Variants in CNTNAP4 observed in about 807,000 individuals in gnomAD.
CNTNAP4 encodes contactin associated protein family member 4, also known as contactin-associated protein-like 4.
CNTNAP4 carries 98 observed loss-of-function variants against 148.4 expected under a neutral mutation model. That is an observed-to-expected ratio of 0.66 (90% CI 0.56 to 0.78). CNTNAP4 has a LOEUF of 0.78. CNTNAP4 is among the 30% of genes least tolerant of loss of function. The probability of loss-of-function intolerance (pLI) is 0.00; values close to 1 mark genes in which losing one functional copy is unlikely to be tolerated. For synonymous variants in CNTNAP4, 730 were observed against 565.1 expected, an observed-to-expected ratio of 1.29 and a Z score of -4.14; for missense variants, 1,935 against 1,565.6, an observed-to-expected ratio of 1.24 and a Z score of -3.98.
intron 11 of CNTNAP4, among the ~76,000 whole-genome samples, chr16:76,476,439 G>A (rs149173098): frequency 2.0e-5 from 3 of 152,162 alleles, no homozygotes; most frequent in Non-Finnish European, 4.4e-5. Flanking sequence ...CTCAGAAACA[G>A]CCCTGGTTGG....
chr16:76,477,908 T>G (rs1352330408), intron 11 of CNTNAP4, among the ~76,000 whole-genome samples: 1 of 152,196 alleles, frequency 6.6e-6, no homozygotes, highest in Non-Finnish European at 1.5e-5. Flanking sequence ...AAAGTTACTT[T>G]CATCTGTGAC....
chr16:76,314,659 C>T (rs1271848164), intron 1 of CNTNAP4, among the ~76,000 whole-genome samples: 1 of 152,162 alleles, frequency 6.6e-6, no homozygotes, highest in Non-Finnish European at 1.5e-5. Context: ...TAAACGTTAT[C>T]AATCGGTTCC....
Position 76,522,686 on chromosome 16 carries a change from C to CT in CNTNAP4, c.2755+429_2755+430insT, listed in dbSNP as rs1271795881. Among the ~76,000 whole-genome samples the CT allele has an allele frequency of 1.3e-4, 10 of 79,572 alleles. 1 individual carries two copies. Among genetic ancestry groups the CT allele is most frequent in the Admixed American group, 2.8e-4 (2 of 7,106 alleles). 52.2% of individuals were successfully genotyped at this position (79,572 alleles called of 152,430 possible). On this transcript the variant is annotated intron_variant, in intron 17 of 23. Transcript: ENST00000611870. ...TCTTTCCTTCTTTCTCTCTTTCTCT[C>CT]CTTTCTTTTCTTTTCTTTTCTTTTC...
At chr16:76,344,895 T>A (rs907926957) in intron 2 of CNTNAP4, among the ~76,000 whole-genome samples, 1 of 152,218 alleles carries the variant, frequency 6.6e-6, no homozygotes, top group Non-Finnish European at 1.5e-5. Context: ...TATGATGTCA[T>A]GGCACGGTTA....
intron 4 of CNTNAP4, among the ~76,000 whole-genome samples, chr16:76,433,460 T>C (rs1272725814): frequency 6.6e-6 from 1 of 152,194 alleles, no homozygotes; most frequent in Non-Finnish European, 1.5e-5. Context: ...TAGGAATGTA[T>C]ACTTTATTAT....
At chr16:76,332,916 G>A (rs1436912621) in intron 2 of CNTNAP4, among the ~76,000 whole-genome samples, 1 of 152,046 alleles carries the variant, frequency 6.6e-6, no homozygotes, top group Admixed American at 6.5e-5. Context: ...TTAGTGGTAC[G>A]GGCCAGATAC....
At chr16:76,473,690 C>T (rs1391548201) in intron 10 of CNTNAP4, among the ~76,000 whole-genome samples, 2 of 152,066 alleles carry the variant, frequency 1.3e-5, no homozygotes, top group Admixed American at 1.3e-4. Flanking sequence ...AGGAGAATGG[C>T]ATGAACCTGG....
intron 21 of CNTNAP4, among the ~76,000 whole-genome samples, chr16:76,546,863 C>T (rs2084760438): frequency 6.6e-6 from 1 of 152,122 alleles, no homozygotes; most frequent in Non-Finnish European, 1.5e-5. Flanking sequence ...GATTCTCATG[C>T]CATCATAGTA....
intron 3 of CNTNAP4, among the ~76,000 whole-genome samples, chr16:76,366,509 C>G (rs12924602): frequency 0.43 from 65,962 of 152,006 alleles, 14,711 homozygotes; most frequent in Admixed American, 0.53. Context: ...GCATATGTAT[C>G]ACATTTTCTT....
At chr16:76,441,173 G>A (rs1020004887) in intron 4 of CNTNAP4, among the ~76,000 whole-genome samples, 1 of 151,950 alleles carries the variant, frequency 6.6e-6, no homozygotes, top group Non-Finnish European at 1.5e-5. Context: ...TGCATCTCAG[G>A]GTTGTGTGTC....
intron 3 of CNTNAP4, among the ~76,000 whole-genome samples, chr16:76,390,694 C>T (rs951735154): frequency 1.2e-4 from 19 of 152,116 alleles, no homozygotes; most frequent in African/African-American, 4.3e-4. Context: ...CCAAGGTTGT[C>T]CCTGCCCTTA....
At chr16:76,296,704 G>A (rs1234940957) in intron 1 of CNTNAP4, among the ~76,000 whole-genome samples, 2 of 152,036 alleles carry the variant, frequency 1.3e-5, no homozygotes. Context: ...GGTACAAATG[G>A]TACTACTTTT....
intron 7 of CNTNAP4, among the ~76,000 whole-genome samples, chr16:76,451,532 G>T (rs1568224807): frequency 1.3e-5 from 2 of 151,196 alleles, no homozygotes; most frequent in African/African-American, 2.4e-5. Flanking sequence ...CAGCCAGCAA[G>T]ATTTTAAAAT....
intron 5 of CNTNAP4, 109 bp downstream of exon 5, chr16:76,448,324 A>G: frequency 1.4e-6 from 1 of 732,518 alleles, no homozygotes; most frequent in Non-Finnish European, 2.2e-6. Context: ...TTATTTTCAG[A>G]TTCAAGGGCT....
intron 4 of CNTNAP4, among the ~76,000 whole-genome samples, chr16:76,429,205 C>T (rs990854881): frequency 2.6e-5 from 4 of 152,132 alleles, no homozygotes; most frequent in Non-Finnish European, 5.9e-5. Context: ...TTAAAAAAAT[C>T]CTACCCCCAA....
At chr16:76,289,522 T>C (rs1260424023) in intron 1 of CNTNAP4, among the ~76,000 whole-genome samples, 1 of 130,948 alleles carries the variant, frequency 7.6e-6, no homozygotes, top group African/African-American at 3.3e-5. Flanking sequence ...TTTCATTGCC[T>C]TTAGCATTTT....
intron 4 of CNTNAP4, among the ~76,000 whole-genome samples, chr16:76,435,414 G>A (rs2079788159): frequency 6.6e-6 from 1 of 152,096 alleles, no homozygotes. Context: ...AGCTACGCCT[G>A]CCTTGCCTTT....
intron 2 of CNTNAP4, among the ~76,000 whole-genome samples, chr16:76,340,162 A>G (rs1964350019): frequency 6.6e-6 from 1 of 152,130 alleles, no homozygotes; most frequent in African/African-American, 2.4e-5. Flanking sequence ...TTTTACCAAA[A>G]CAACTCTGGA....
Position 76,316,428 on chromosome 16 carries a change from C to T in CNTNAP4, c.101C>T (p.Pro34Leu), listed in dbSNP as rs750448598. The change falls in exon 2 of 24, where the codon CCT (proline) becomes CTT (leucine). Residue 34 changes from proline (P) to leucine (L), a missense_variant. Transcript: ENST00000611870. ...CTCCTGGCAGATGACTGTGATGATC[C>T]TCTTGTGTCTGCCTTGCCTCAGGCA... The part of the protein sequence containing the change: ...EAGNSYDCDD[P>L]LVSALPQASF... 29 of 1,613,388 alleles carry T rather than the reference C, an allele frequency of 1.8e-5. No individual in the cohort carries two copies. Among genetic ancestry groups the T allele is most frequent in the Non-Finnish European group, 2.5e-5 (29 of 1,179,516 alleles).
Sources: gnomAD v4.1 joint callset for allele counts (sites outside exome capture counted in the v4.1 genomes callset) on GRCh38, gnomAD v4.1.1 for gene constraint, MANE v1.5 for transcripts, NCBI Gene and HGNC (gene_info 2026-07-23, HGNC 2026-07-21) for gene names.